TRAPPC8: variants seen among roughly 807,000 people sequenced by gnomAD.
The protein encoded by TRAPPC8 is trafficking protein particle complex subunit 8, also known as general sporulation gene 1 homolog.
A neutral mutation model predicts 174.3 loss-of-function variants in TRAPPC8; 54 were observed. That is an observed-to-expected ratio of 0.31 (90% CI 0.25 to 0.39). The LOEUF is 0.39. Ranked by LOEUF, TRAPPC8 falls within the 10% of genes least tolerant of loss-of-function variation. The pLI is 1.00. For synonymous variants in TRAPPC8, 630 were observed against 579.9 expected, an observed-to-expected ratio of 1.09 and a Z score of -1.24; for missense variants, 1,531 against 1,699.1, an observed-to-expected ratio of 0.90 and a Z score of 1.74.
intron 12 of TRAPPC8, among the ~76,000 whole-genome samples, chr18:31,886,343 AG>A (rs371193368): frequency 0.47 from 46,590 of 100,180 alleles, 10,146 homozygotes; most frequent in South Asian, 0.66. Context: ...ATGTTTCTTG[AG>A]GAAAAAAAAA....
In TRAPPC8 at chr18:31,941,967, G is replaced by A. The variant is rs148906829; in HGVS notation, c.157+641C>T. ...ACTATAGATAACTCCAAATATCCAG[G>A]TTAAATTAACCACAACTTGGGCTTG... is the stretch of plus-strand genomic sequence containing the variant. On this transcript the variant is annotated intron_variant, in intron 1 of 28. Coordinates refer to ENST00000283351, the MANE Select transcript of TRAPPC8 (RefSeq NM_014939.5). Among the ~76,000 whole-genome samples the A allele has an allele frequency of 5.9e-3, 904 of 152,252 alleles. 11 individuals are homozygous for A. The highest frequency in any genetic ancestry group is 0.021 in the African/African-American group (870 of 41,534).
At chr18:31,901,092 T>A in intron 9 of TRAPPC8, 67 bp from the exon 10 acceptor site, 1 of 1,376,924 alleles carries the variant, frequency 7.3e-7, no homozygotes. Context: ...GATGGGAAAC[T>A]AAAAGTTGGA....
At chr18:31,925,130 C>T (rs2037557349) in intron 2 of TRAPPC8, among the ~76,000 whole-genome samples, 7 of 151,884 alleles carry the variant, frequency 4.6e-5, no homozygotes, top group Admixed American at 4.6e-4. Flanking sequence ...TATACTCAGT[C>T]AGGGTTTTAA....
At chr18:31,887,795 A>G (rs940089067) in intron 12 of TRAPPC8, among the ~76,000 whole-genome samples, 11 of 150,478 alleles carry the variant, frequency 7.3e-5, no homozygotes, top group African/African-American at 2.3e-4. Context: ...AGCACAAGAC[A>G]AGGATGCCCT....
chr18:31,858,060 T>C, intron 19 of TRAPPC8, 78 bp from the exon 20 acceptor site: 31 of 801,102 alleles, frequency 3.9e-5, no homozygotes, highest in Middle Eastern at 2.9e-4. Flanking sequence ...TTAAGACACT[T>C]TTTTTTTTTT....
At chr18:31,901,219 AC>A (rs1344280455) in intron 9 of TRAPPC8, among the ~76,000 whole-genome samples, 194 bp from the exon 10 acceptor site, 1 of 151,944 alleles carries the variant, frequency 6.6e-6, no homozygotes, top group Admixed American at 6.6e-5. Flanking sequence ...GGGTGATCTG[AC>A]TCTGGAAGGA....
At chr18:31,853,389 T>C (rs1437063720) in intron 22 of TRAPPC8, among the ~76,000 whole-genome samples, 2 of 152,280 alleles carry the variant, frequency 1.3e-5, no homozygotes, top group South Asian at 2.1e-4. Context: ...TGCCTCAGCC[T>C]CCCGAGTAGC....
chr18:31,874,506 G>C lies in TRAPPC8; in HGVS notation c.1927C>G (p.Leu643Val). 1 of 1,614,048 alleles carries C rather than the reference G, an allele frequency of 6.2e-7. No individual in the cohort carries two copies. Among genetic ancestry groups the C allele is most frequent in the Non-Finnish European group, 8.5e-7 (1 of 1,179,996 alleles). Residue 643 changes from leucine (L) to valine (V), a missense_variant, in exon 13 of 29, where the codon CTC (leucine) becomes GTC (valine). Transcript: ENST00000283351. ...TTGTAAACATAAAGATATTCTCTGA[G>C]GAAAGCCCCCTGTTGAGCAGCAGAT... is the stretch of plus-strand genomic sequence containing the variant. ...KQSAAQQGAF[L>V]REYLYVYKNV...
chr18:31,938,989 A>G (rs1181028810), intron 1 of TRAPPC8, among the ~76,000 whole-genome samples: 1 of 150,554 alleles, frequency 6.6e-6, no homozygotes, highest in Non-Finnish European at 1.5e-5. Context: ...CTGAGGCAGG[A>G]GAATCACTTG....
rs1260102744 is a variant in TRAPPC8 at position 31,830,010 on chromosome 18, T to C, written c.*745A>G. The C allele has an allele frequency of 6.6e-6, 1 of 152,656 alleles. No homozygotes were observed. Among genetic ancestry groups the C allele is most frequent in the African/African-American group, 2.4e-5 (1 of 41,468 alleles). 9.5% of individuals were successfully genotyped at this position (152,656 alleles called of 1,614,324 possible). On this transcript the variant is annotated 3_prime_UTR_variant, in exon 29 of 29. Transcript: ENST00000283351. The stretch of plus-strand genomic sequence containing the variant: ...TAAATATAATACATTTTTGAAAAGC[T>C]TATTTTTAATTAACTTGAGATTTAT...
intron 12 of TRAPPC8, among the ~76,000 whole-genome samples, chr18:31,878,565 A>G (rs1223156298): frequency 6.6e-6 from 1 of 152,214 alleles, no homozygotes; most frequent in Non-Finnish European, 1.5e-5. Context: ...ACGTAAGTAC[A>G]AAGTTCAAAG....
intron 12 of TRAPPC8, among the ~76,000 whole-genome samples, chr18:31,889,029 G>A (rs2035843132): frequency 1.3e-5 from 2 of 152,044 alleles, no homozygotes; most frequent in Admixed American, 6.6e-5. Flanking sequence ...TGTTCTTGAT[G>A]AACTTCAATT....
chr18:31,903,858 C>CAAA (rs35072678), intron 9 of TRAPPC8, among the ~76,000 whole-genome samples: 5 of 143,382 alleles, frequency 3.5e-5, no homozygotes, highest in Non-Finnish European at 7.6e-5. Flanking sequence ...AGATCTGTAT[C>CAAA]AAAAAAAAAA....
Position 31,943,066 on chromosome 18 carries a change from G to A in TRAPPC8, c.-302C>T. 4.3e-6 allele frequency: 2 copies of A among 467,472 alleles called. No individual in the cohort carries two copies. Among genetic ancestry groups the A allele is most frequent in the Non-Finnish European group, 7.0e-6 (2 of 287,728 alleles). The allele number at this position is 467,472 out of a possible 1,614,324, so 29.0% of individuals were successfully genotyped here. On this transcript the variant is annotated 5_prime_UTR_variant, in exon 1 of 29. Transcript: ENST00000283351. ...TTAGTCCTTCGGACGGCAAAACCTT[G>A]GTCACTGCCCGGCCGGAACCGCCAT...
At chr18:31,844,005 A>G (rs2033249286) in intron 26 of TRAPPC8, among the ~76,000 whole-genome samples, 1 of 152,178 alleles carries the variant, frequency 6.6e-6, no homozygotes, top group Non-Finnish European at 1.5e-5. Context: ...CACAAATTCA[A>G]TATGCTCTCA....
chr18:31,928,240 T>C (rs1489813201), intron 2 of TRAPPC8, among the ~76,000 whole-genome samples: 1 of 151,814 alleles, frequency 6.6e-6, no homozygotes, highest in East Asian at 1.9e-4. Flanking sequence ...GGCTCACAAC[T>C]GTAATCCCAG....
intron 1 of TRAPPC8, among the ~76,000 whole-genome samples, chr18:31,940,737 T>C (rs1009530400): frequency 4.6e-5 from 7 of 152,122 alleles, no homozygotes; most frequent in African/African-American, 1.7e-4. Context: ...GACCTCGTGA[T>C]CCACCCGCCT....
At chr18:31,842,800 T>C (rs1451213637) in intron 26 of TRAPPC8, among the ~76,000 whole-genome samples, 1 of 152,220 alleles carries the variant, frequency 6.6e-6, no homozygotes. Context: ...GATGCTCACC[T>C]AGCAGGTATA....
In TRAPPC8 at chr18:31,935,740, C is replaced by CT. The variant is rs916401903; in HGVS notation, c.158-4218dup. Among the ~76,000 whole-genome samples the CT allele has an allele frequency of 5.8e-3, 808 of 139,366 alleles. 7 individuals are homozygous for CT. Among genetic ancestry groups the CT allele is most frequent in the Non-Finnish European group, 7.2e-3 (457 of 63,452 alleles). The allele number at this position is 139,366 out of a possible 152,430, so 91.4% of individuals were successfully genotyped here. ...CAACAGAGGGAGAGAGACCCCATTT[C>CT]TTTTTTTTTTTTTGAGACAGAGTCT... On this transcript the variant is annotated intron_variant, in intron 1 of 28. Transcript: ENST00000283351.
Sources: gnomAD v4.1 joint callset for allele counts (sites outside exome capture counted in the v4.1 genomes callset) on GRCh38, gnomAD v4.1.1 for gene constraint, MANE v1.5 for transcripts, NCBI Gene and HGNC (gene_info 2026-07-23, HGNC 2026-07-21) for gene names.